RELT: variants seen among roughly 807,000 people sequenced by gnomAD.
RELT encodes the protein RELT TNF receptor, also known as tumor necrosis factor receptor superfamily member 19L.
A neutral mutation model predicts 51.1 loss-of-function variants in RELT; 37 were observed. The ratio of observed to expected loss-of-function variants is 0.72; its 90% CI spans 0.56 to 0.95. The LOEUF is 0.95. Ranked by LOEUF, RELT falls within the 40% of genes least tolerant of loss-of-function variation. The pLI is 0.00. For synonymous variants in RELT, 241 were observed against 235.7 expected (o/e 1.02, Z -0.21); for missense variants, 535 against 572.6 (o/e 0.93, Z 0.67).
At chr11:73,379,324 C>T (rs1866015666) in intron 1 of RELT, among the ~76,000 whole-genome samples, 1 of 152,206 alleles carries the variant, frequency 6.6e-6, no homozygotes, top group Non-Finnish European at 1.5e-5. Flanking sequence ...TCAGCCTGTG[C>T]CCTGGCCAAG....
In RELT at chr11:73,394,978, AG is replaced by A; in HGVS notation, c.1047-107del. ...GGCCCCCATGGCACCCGGGCCTCTC[AG>A]GCTAAGGCTCTGGTCCATGAACTTG... On this transcript the variant is annotated intron_variant, in intron 9 of 10. Coordinates refer to ENST00000064780, the MANE Select transcript of RELT (RefSeq NM_152222.2). The surrounding 1 kb of genome is among the most constrained non-coding windows in gnomAD (Gnocchi z 4.9). The A allele has an allele frequency of 9.3e-7, 1 of 1,072,200 alleles. No individual in the cohort carries two copies. The highest frequency in any genetic ancestry group is 1.4e-6 in the Non-Finnish European group (1 of 727,664). The allele number at this position is 1,072,200 out of a possible 1,614,324, so 66.4% of individuals were successfully genotyped here.
At position 73,380,119 on chromosome 11, in the gene RELT, C is replaced by T. The variant is rs1037859755; in HGVS notation, c.-26+3620C>T. Among the ~76,000 whole-genome samples the T allele has an allele frequency of 1.3e-5, 2 of 152,342 alleles. 1 individual carries two copies. The highest frequency in any genetic ancestry group is 1.3e-4 in the Admixed American group (2 of 15,312). ...CTGGGGAATGGGCACAGGTTTGGGG[C>T]ACCTGTGGGTACCGCATGCTCAGCT... On this transcript the variant is annotated intron_variant, in intron 1 of 10. Coordinates refer to ENST00000064780, the MANE Select transcript of RELT (RefSeq NM_152222.2).
intron 2 of RELT, among the ~76,000 whole-genome samples, chr11:73,389,653 C>A (rs1866179108): frequency 6.6e-6 from 1 of 152,250 alleles, no homozygotes; most frequent in Non-Finnish European, 1.5e-5. Flanking sequence ...ACATTACAGA[C>A]TTGCAGCATC....
rs1866220346 is a variant in RELT at position 73,391,876 on chromosome 11, C to T, written c.368-335C>T. 1.5e-5 allele frequency: 7 copies of T among 452,794 alleles called. No individual in the cohort carries two copies. The South Asian group carries it at 1.8e-4, about 12-fold the overall frequency. 28.0% of individuals were successfully genotyped at this position (452,794 alleles called of 1,614,324 possible). A position where few individuals can be genotyped will look rare whatever the true frequency, so the allele number is the denominator to read the frequency against. The stretch of plus-strand genomic sequence containing the variant: ...CAGTCACCCCCTGAGGCACTAGATT[C>T]ATGGCCAGGCCACAGGGAGGCAGAT... On this transcript the variant is annotated intron_variant, in intron 5 of 10. Coordinates refer to ENST00000064780, the MANE Select transcript of RELT (RefSeq NM_152222.2).
intron 5 of RELT, 169 bp from the exon 6 acceptor site, chr11:73,392,042 A>G: frequency 1.3e-6 from 1 of 768,912 alleles, no homozygotes. Context: ...CCAGAAGGGA[A>G]AACAGGAGGG....
intron 5 of RELT, 57 bp from the exon 6 acceptor site, chr11:73,392,154 C>G: frequency 6.3e-7 from 1 of 1,575,084 alleles, no homozygotes; most frequent in Non-Finnish European, 8.6e-7. Flanking sequence ...GGGCCCCTGT[C>G]TCTCTGTGTT....
rs1247220205 is a variant in RELT at position 73,394,317 on chromosome 11, A to G, written c.788A>G (p.Lys263Arg). The change falls in exon 8 of 11, where the codon AAG becomes AGG. Residue 263 changes from lysine (K) to arginine (R), a missense_variant and splice_region_variant. Transcript: ENST00000064780. This position sits in a 1 kb window ranked among gnomAD's most constrained non-coding sequence, Gnocchi z 4.9. Reference sequence around the variant, plus strand: ...CAGACGAGCCACAGGCCTGTGTCCAAGTGAGTGGGCTGGTGGGAGATAACG... The same window carrying G: ...CAGACGAGCCACAGGCCTGTGTCCAGGTGAGTGGGCTGGTGGGAGATAACG... The part of the protein sequence containing the change: ...LVQTSHRPVS[K>R]LPPAPPNVPH... 1.2e-6 allele frequency: 2 copies of G among 1,613,162 alleles called. No individual in the cohort carries two copies. Among genetic ancestry groups the G allele is most frequent in the Admixed American group, 3.3e-5 (2 of 60,018 alleles).
chr11:73,393,013 A>G lies in RELT; in HGVS notation c.625+545A>G, dbSNP rs534529769. On this transcript the variant is annotated intron_variant, in intron 6 of 10. Coordinates refer to ENST00000064780, the MANE Select transcript of RELT (RefSeq NM_152222.2). The stretch of plus-strand genomic sequence containing the variant: ...GGCCCCTTTCCTTCTTCCCCACACC[A>G]CTACTCCCCTGCAGGGCAGGGGCCC... 1.9e-3 allele frequency: 1,933 copies of G among 1,002,752 alleles called. 2 individuals are homozygous for G. Among genetic ancestry groups the G allele is most frequent in the Middle Eastern group, 0.011 (21 of 1,942 alleles). The allele number at this position is 1,002,752 out of a possible 1,614,324, so 62.1% of individuals were successfully genotyped here.
intron 1 of RELT, among the ~76,000 whole-genome samples, chr11:73,385,706 C>T (rs1168766169): frequency 6.6e-6 from 1 of 152,164 alleles, no homozygotes; most frequent in Non-Finnish European, 1.5e-5. Flanking sequence ...AATCCCATGA[C>T]CTACTTTAGC....
At chr11:73,387,154 A>G (rs566887831) in intron 1 of RELT, among the ~76,000 whole-genome samples, 2 of 152,216 alleles carry the variant, frequency 1.3e-5, no homozygotes, top group Admixed American at 6.5e-5. Flanking sequence ...CATCTTGGCC[A>G]GGCTGGTCTT....
chr11:73,376,899 C>G (rs965380165), intron 1 of RELT: 1 of 153,252 alleles, frequency 6.5e-6, no homozygotes, highest in African/African-American at 2.4e-5. Flanking sequence ...GGCGGCGCCT[C>G]GGCGCGGCTG....
Position 73,391,206 on chromosome 11 carries a change from G to A in RELT, c.350G>A (p.Gly117Asp), listed in dbSNP as rs759057711. The change falls in exon 5 of 11, where the codon GGT becomes GAT. Residue 117 changes from glycine (G) to aspartate (D), a missense_variant. By Grantham distance (94) the Gly-to-Asp change is moderately conservative (BLOSUM62 -1). Coordinates refer to ENST00000064780, the MANE Select transcript of RELT (RefSeq NM_152222.2). ...PCQPCSWAPL[G>D]THGCDEWGRR... is the part of the protein sequence containing the mutation. ...CAACCATGTTCCTGGGCACCTCTGG[G>A]TACTCATGGCTGTGATGGTGAGTGG... 6.2e-7 allele frequency: 1 copy of A among 1,613,958 alleles called. No homozygotes were observed. The highest frequency in any genetic ancestry group is 1.1e-5 in the South Asian group (1 of 91,050).
At chr11:73,377,036 G>C (rs1447356018) in intron 1 of RELT, among the ~76,000 whole-genome samples, 1 of 152,218 alleles carries the variant, frequency 6.6e-6, no homozygotes, top group Non-Finnish European at 1.5e-5. Flanking sequence ...CGGGCCGAGC[G>C]GGCGACACAG....
At chr11:73,387,396 G>T (rs1866140632) in intron 1 of RELT, among the ~76,000 whole-genome samples, 1 of 152,230 alleles carries the variant, frequency 6.6e-6, no homozygotes, top group Admixed American at 6.5e-5. Flanking sequence ...CTCGAGGTGG[G>T]AGCTGGGCCC....
At chr11:73,382,311 A>C (rs1243972110) in intron 1 of RELT, among the ~76,000 whole-genome samples, 1 of 152,152 alleles carries the variant, frequency 6.6e-6, no homozygotes, top group African/African-American at 2.4e-5. Flanking sequence ...GTCCCTCCCA[A>C]AGCCTCTGCC....
intron 3 of RELT, 59 bp from the exon 4 acceptor site, chr11:73,390,696 G>GC (rs762298750): frequency 6.2e-7 from 1 of 1,608,930 alleles, no homozygotes; most frequent in African/African-American, 1.3e-5. Context: ...CCTGTGCCTG[G>GC]CCCCCAAGGG....
chr11:73,389,279 T>G lies in RELT; in HGVS notation c.45+98T>G, dbSNP rs568214056. ...CAGACACTCCCGGGGAACCCCCTGC[T>G]GGGCAGGGCTCAGTTACTCAGCTCG... On this transcript the variant is annotated intron_variant, in intron 2 of 10. Transcript: ENST00000064780. The G allele has an allele frequency of 1.9e-4, 153 of 792,550 alleles. 1 individual carries two copies. The African/African-American group carries it at 2.6e-3, about 13-fold the overall frequency. 49.1% of individuals were successfully genotyped at this position (792,550 alleles called of 1,614,324 possible). A position where few individuals can be genotyped will look rare whatever the true frequency, so the allele number is the denominator to read the frequency against.
chr11:73,378,411 G>T (rs1163535356), intron 1 of RELT, among the ~76,000 whole-genome samples: 1 of 152,154 alleles, frequency 6.6e-6, no homozygotes, highest in Non-Finnish European at 1.5e-5. Flanking sequence ...TTGAATCTTC[G>T]CAGTGATTCT....
chr11:73,378,494 CAG>C (rs1462360518), intron 1 of RELT, among the ~76,000 whole-genome samples: 1 of 152,216 alleles, frequency 6.6e-6, no homozygotes, highest in Admixed American at 6.5e-5. Flanking sequence ...CAAGGTCATA[CAG>C]AGTCAGGACA....
Sources: gnomAD v4.1 joint callset for allele counts (sites outside exome capture counted in the v4.1 genomes callset) on GRCh38, gnomAD v4.1.1 for gene constraint, Gnocchi (gnomAD v3.1) non-coding constraint, MANE v1.5 for transcripts, NCBI Gene and HGNC (gene_info 2026-07-23, HGNC 2026-07-21) for gene names.